TMEM132B: variants seen among roughly 807,000 people sequenced by gnomAD.
TMEM132B encodes the protein transmembrane protein 132B.
In TMEM132B, 18 loss-of-function variants were observed where a neutral mutation model predicts 90.8. The observed-to-expected ratio is 0.20, with a 90% CI of 0.14 to 0.29. The LOEUF (loss-of-function observed/expected upper bound fraction) is 0.29, where lower values mean the gene tolerates loss of function less well. TMEM132B is among the 10% of genes least tolerant of loss of function. The pLI is 1.00. For missense variants in TMEM132B, 1,096 were observed against 1,326.8 expected, an observed-to-expected ratio of 0.83 and a Z score of 2.70; for synonymous variants, 504 against 523.3, an observed-to-expected ratio of 0.96 and a Z score of 0.50.
intron 7 of TMEM132B, 114 bp downstream of exon 7, chr12:125,651,067 C>A: frequency 2.2e-6 from 3 of 1,389,268 alleles, no homozygotes; most frequent in Non-Finnish European, 2.9e-6. Context: ...TGTATATCAA[C>A]GTGTGTCACT....
intron 1 of TMEM132B, among the ~76,000 whole-genome samples, chr12:125,278,404 T>C (rs1357613740): frequency 1.3e-5 from 2 of 152,124 alleles, no homozygotes; most frequent in Non-Finnish European, 2.9e-5. Context: ...AACAAACTCA[T>C]ATTGGTTTTT....
At chr12:125,348,847 G>C (rs765985261) in intron 1 of TMEM132B, among the ~76,000 whole-genome samples, 1 of 152,212 alleles carries the variant, frequency 6.6e-6, no homozygotes, top group African/African-American at 2.4e-5. Context: ...AATTCTAAAT[G>C]ATGGTGTGGT....
chr12:125,249,866 G>C (rs1187056453), intron 1 of TMEM132B, among the ~76,000 whole-genome samples: 2 of 152,170 alleles, frequency 1.3e-5, no homozygotes, highest in African/African-American at 4.8e-5. Context: ...TCCCCCATCG[G>C]GCCACACAGC....
At chr12:125,208,467 C>G (rs1218999855) in intron 1 of TMEM132B, among the ~76,000 whole-genome samples, 1 of 152,206 alleles carries the variant, frequency 6.6e-6, no homozygotes, top group Non-Finnish European at 1.5e-5. Context: ...TCCTCCAGGC[C>G]CTGGAAACCA....
At chr12:125,540,573 C>T (rs1411284755) in intron 4 of TMEM132B, among the ~76,000 whole-genome samples, 1 of 152,110 alleles carries the variant, frequency 6.6e-6, no homozygotes, top group Non-Finnish European at 1.5e-5. Context: ...CTTCTTTGTC[C>T]ATGGTAATAT....
At chr12:125,639,061 T>C (rs537700295) in intron 5 of TMEM132B, among the ~76,000 whole-genome samples, 2 of 152,330 alleles carry the variant, frequency 1.3e-5, no homozygotes, top group African/African-American at 4.8e-5. Context: ...ATGTTCCTCT[T>C]GAGGCTCAGA....
At chr12:125,453,476 A>T (rs549083256) in intron 3 of TMEM132B, among the ~76,000 whole-genome samples, 1 of 152,328 alleles carries the variant, frequency 6.6e-6, no homozygotes, top group Admixed American at 6.5e-5. Flanking sequence ...ATTCTCTTCT[A>T]GGTCTCATAC....
chr12:125,464,608 A>G (rs559113455), intron 3 of TMEM132B, among the ~76,000 whole-genome samples: 1 of 152,280 alleles, frequency 6.6e-6, no homozygotes, highest in Admixed American at 6.5e-5. Context: ...CAGTGACTGA[A>G]GTATTAATAG....
At chr12:125,244,814 G>A (rs1874171343) in intron 1 of TMEM132B, among the ~76,000 whole-genome samples, 1 of 152,182 alleles carries the variant, frequency 6.6e-6, no homozygotes, top group African/African-American at 2.4e-5. Context: ...TTCCCTCCTA[G>A]GTGAGAGTGC....
chr12:125,621,520 G>A (rs1287016263), intron 5 of TMEM132B, among the ~76,000 whole-genome samples: 3 of 152,138 alleles, frequency 2.0e-5, no homozygotes, highest in African/African-American at 4.8e-5. Context: ...CCAAATTTAT[G>A]GATCTCAGTG....
intron 1 of TMEM132B, among the ~76,000 whole-genome samples, chr12:125,334,783 TCTC>T (rs1401938505): frequency 2.0e-5 from 3 of 152,214 alleles, no homozygotes; most frequent in Non-Finnish European, 4.4e-5. Flanking sequence ...ATTGCACACT[TCTC>T]CTCTGCTTCT....
chr12:125,385,856 T>G (rs1418668366), intron 2 of TMEM132B, among the ~76,000 whole-genome samples: 3 of 152,232 alleles, frequency 2.0e-5, no homozygotes, highest in Non-Finnish European at 4.4e-5. Context: ...CCATTGCTTT[T>G]GCACTGACTA....
chr12:125,288,173 C>T (rs1875417983), intron 1 of TMEM132B, among the ~76,000 whole-genome samples: 1 of 151,620 alleles, frequency 6.6e-6, no homozygotes, highest in South Asian at 2.1e-4. Flanking sequence ...TGCACCCGGC[C>T]TCTTTCTGTT....
chr12:125,516,239 C>T (rs1566060372), intron 3 of TMEM132B, among the ~76,000 whole-genome samples: 1 of 152,150 alleles, frequency 6.6e-6, no homozygotes, highest in Admixed American at 6.6e-5. Context: ...TAATGAATGT[C>T]TCATGGCTGA....
intron 3 of TMEM132B, among the ~76,000 whole-genome samples, chr12:125,431,852 G>A (rs7303199): frequency 0.3 from 46,242 of 151,980 alleles, 7,288 homozygotes; most frequent in African/African-American, 0.4. Context: ...ACAGCCATTG[G>A]TCATGGGATT....
intron 5 of TMEM132B, among the ~76,000 whole-genome samples, chr12:125,625,130 CTTT>C (rs1169262449): frequency 4.6e-4 from 48 of 103,906 alleles, no homozygotes; most frequent in Middle Eastern, 5.2e-3. Flanking sequence ...GATTTGACTT[CTTT>C]TTTTTTTTTT....
chr12:125,342,698 C>A (rs1468500266), intron 1 of TMEM132B, among the ~76,000 whole-genome samples: 1 of 152,172 alleles, frequency 6.6e-6, no homozygotes, highest in Non-Finnish European at 1.5e-5. Context: ...TGCTTTCTGT[C>A]TGCCTCATAT....
At chr12:125,420,979 A>G (rs1318272694) in intron 3 of TMEM132B, among the ~76,000 whole-genome samples, 2 of 152,226 alleles carry the variant, frequency 1.3e-5, no homozygotes, top group African/African-American at 4.8e-5. Context: ...AAACATAGCA[A>G]GAGTCACCTT....
chr12:125,342,365 A>C (rs752867497), intron 1 of TMEM132B, among the ~76,000 whole-genome samples: 1 of 152,150 alleles, frequency 6.6e-6, no homozygotes, highest in South Asian at 2.1e-4. Flanking sequence ...TGTGTAATTT[A>C]ACTCCCCTCA....
Sources: gnomAD v4.1 joint callset for allele counts (sites outside exome capture counted in the v4.1 genomes callset) on GRCh38, gnomAD v4.1.1 for gene constraint, MANE v1.5 for transcripts, NCBI Gene and HGNC (gene_info 2026-07-23, HGNC 2026-07-21) for gene names.